Variants in LRMDA observed in about 807,000 individuals in gnomAD.
LRMDA encodes the protein leucine rich melanocyte differentiation associated, also known as leucine-rich melanocyte differentiation-associated protein.
In LRMDA, 18 loss-of-function variants were observed where a neutral mutation model predicts 29.8. That is an observed-to-expected ratio of 0.60 (90% CI 0.42 to 0.90). LRMDA has a LOEUF of 0.90. Ranked by LOEUF, LRMDA falls within the 40% of genes least tolerant of loss-of-function variation. The pLI is 0.00. For synonymous variants in LRMDA, 125 were observed against 109.4 expected (o/e 1.14, Z -0.89); for missense variants, 273 against 273.9 (o/e 1.00, Z 0.02).
At chr10:76,366,049 G>GT (rs771165387) in intron 6 of LRMDA, among the ~76,000 whole-genome samples, 100 of 152,244 alleles carry the variant, frequency 6.6e-4, no homozygotes, top group Non-Finnish European at 1.2e-3. Context: ...TCAGTTGGCT[G>GT]TAAGTATTTG....
intron 2 of LRMDA, among the ~76,000 whole-genome samples, chr10:75,940,650 A>G (rs1382182889): frequency 1.3e-5 from 2 of 152,108 alleles, no homozygotes; most frequent in African/African-American, 4.8e-5. Flanking sequence ...TAAGTACAGG[A>G]ACTATGTACC....
At chr10:75,535,383 A>T (rs1839934367) in intron 2 of LRMDA, among the ~76,000 whole-genome samples, 1 of 146,088 alleles carries the variant, frequency 6.8e-6, no homozygotes, top group South Asian at 2.1e-4. Context: ...CTTACTTCTT[A>T]TTTATTTATT....
At chr10:76,215,779 G>A (rs1564688730) in intron 5 of LRMDA, among the ~76,000 whole-genome samples, 2 of 152,174 alleles carry the variant, frequency 1.3e-5, no homozygotes, top group Non-Finnish European at 2.9e-5. Context: ...GTGTAAGTGA[G>A]AATAGATTGA....
At chr10:75,726,371 T>C (rs868144544) in intron 2 of LRMDA, among the ~76,000 whole-genome samples, 15 of 152,188 alleles carry the variant, frequency 9.9e-5, no homozygotes, top group African/African-American at 3.1e-4. Context: ...CCATGTAATT[T>C]TGGCTGAACT....
intron 5 of LRMDA, among the ~76,000 whole-genome samples, chr10:76,169,264 T>C (rs1850792601): frequency 6.6e-6 from 1 of 152,216 alleles, no homozygotes; most frequent in Non-Finnish European, 1.5e-5. Flanking sequence ...GTTCCCAGAA[T>C]AATTCAGCTC....
chr10:76,029,417 C>G (rs1214292176), intron 2 of LRMDA, among the ~76,000 whole-genome samples: 1 of 152,156 alleles, frequency 6.6e-6, no homozygotes, highest in Admixed American at 6.5e-5. Context: ...TACCTTTTTA[C>G]AATTGGGTCA....
chr10:76,029,913 A>G (rs1848120837), intron 2 of LRMDA, among the ~76,000 whole-genome samples: 1 of 152,094 alleles, frequency 6.6e-6, no homozygotes, highest in Non-Finnish European at 1.5e-5. Flanking sequence ...GTTATTGTTT[A>G]GCAATGAGGT....
intron 5 of LRMDA, among the ~76,000 whole-genome samples, chr10:76,127,959 T>TA (rs990841844): frequency 2.6e-4 from 40 of 151,062 alleles, no homozygotes; most frequent in African/African-American, 7.8e-4. Flanking sequence ...TTAACCAACT[T>TA]AAAAAAAAAC....
chr10:75,578,081 G>T (rs1015664865), intron 2 of LRMDA, among the ~76,000 whole-genome samples: 4 of 151,732 alleles, frequency 2.6e-5, no homozygotes, highest in African/African-American at 7.3e-5. Flanking sequence ...CCAATTAAAA[G>T]ACACAGACTG....
At chr10:75,883,951 A>G (rs1845335658) in intron 2 of LRMDA, among the ~76,000 whole-genome samples, 1 of 151,956 alleles carries the variant, frequency 6.6e-6, no homozygotes, top group Admixed American at 6.6e-5. Flanking sequence ...GTCCTCATCA[A>G]GCTATTCATT....
chr10:75,782,929 G>A, intron 2 of LRMDA: 1 of 1,612,624 alleles, frequency 6.2e-7, no homozygotes, highest in Non-Finnish European at 8.5e-7. Flanking sequence ...CATCTGCTCA[G>A]TGTAGCCATC....
At chr10:76,059,294 GC>G (rs975541304) in intron 5 of LRMDA, among the ~76,000 whole-genome samples, 3 of 152,170 alleles carry the variant, frequency 2.0e-5, no homozygotes, top group Non-Finnish European at 2.9e-5. Context: ...GCTGGCATGT[GC>G]CCCCCACATG....
intron 6 of LRMDA, among the ~76,000 whole-genome samples, chr10:76,553,898 C>T (rs973034707): frequency 2.6e-5 from 4 of 152,132 alleles, no homozygotes; most frequent in South Asian, 2.1e-4. Context: ...GCCGTCCCCA[C>T]GCCTTCCTGG....
intron 5 of LRMDA, among the ~76,000 whole-genome samples, chr10:76,129,108 T>A (rs1047793188): frequency 3.9e-5 from 6 of 152,220 alleles, no homozygotes; most frequent in African/African-American, 1.4e-4. Context: ...AGGGTGACTT[T>A]ATTCTCAAGC....
At chr10:76,416,164 A>T (rs1842012204) in intron 6 of LRMDA, among the ~76,000 whole-genome samples, 1 of 152,188 alleles carries the variant, frequency 6.6e-6, no homozygotes, top group Admixed American at 6.5e-5. Context: ...TTCAACTAAT[A>T]TGGCAGAACT....
chr10:75,910,684 G>C (rs1003941429), intron 2 of LRMDA, among the ~76,000 whole-genome samples: 1 of 152,164 alleles, frequency 6.6e-6, no homozygotes, highest in African/African-American at 2.4e-5. Context: ...GCAAAGCCAT[G>C]CATAGAAGGC....
At chr10:76,071,016 C>T (rs563426777) in intron 5 of LRMDA, among the ~76,000 whole-genome samples, 3 of 152,154 alleles carry the variant, frequency 2.0e-5, no homozygotes, top group Non-Finnish European at 4.4e-5. Flanking sequence ...GGTCTCCATA[C>T]AGGACCAATG....
At chr10:75,599,253 G>A (rs1840849243) in intron 2 of LRMDA, among the ~76,000 whole-genome samples, 1 of 152,168 alleles carries the variant, frequency 6.6e-6, no homozygotes, top group African/African-American at 2.4e-5. Flanking sequence ...TACAGCATTA[G>A]CAGGGCCATT....
chr10:76,315,979 G>A (rs1840692368), intron 5 of LRMDA, among the ~76,000 whole-genome samples: 1 of 152,188 alleles, frequency 6.6e-6, no homozygotes, highest in African/African-American at 2.4e-5. Context: ...CTGTTGCTCA[G>A]TGAAGCTCCT....
Sources: gnomAD v4.1 joint callset for allele counts (sites outside exome capture counted in the v4.1 genomes callset) on GRCh38, gnomAD v4.1.1 for gene constraint, MANE v1.5 for transcripts, NCBI Gene and HGNC (gene_info 2026-07-23, HGNC 2026-07-21) for gene names.